SLC71A1: variants seen among roughly 807,000 people sequenced by gnomAD.
SLC71A1 encodes the protein solute carrier family 71 member 1, also known as hippocampus abundant gene transcript 1.
the SLC71A1 span, chr1:100,050,140 T>C: frequency 5.6e-6 from 3 of 532,562 alleles, no homozygotes; most frequent in Non-Finnish European, 6.6e-6. Context: ...AGTATTTTAC[T>C]GGTTGTCTTT....
At chr1:100,045,752 C>T in the SLC71A1 span, among the ~76,000 whole-genome samples, 4 of 151,460 alleles carry the variant, frequency 2.6e-5, no homozygotes, top group South Asian at 8.4e-4. Context: ...GCTCTGTCGC[C>T]CAGGCGACAT....
chr1:100,077,224 T>A, the SLC71A1 span: 1 of 1,596,762 alleles, frequency 6.3e-7, no homozygotes, highest in Non-Finnish European at 8.6e-7. Flanking sequence ...TTTTACTGGG[T>A]CTAGGATTTC....
At chr1:100,078,167 A>G in the SLC71A1 span, among the ~76,000 whole-genome samples, 2 of 152,214 alleles carry the variant, frequency 1.3e-5, no homozygotes, top group Non-Finnish European at 2.9e-5. Context: ...TCCTCAATAT[A>G]ACCTCTCAAT....
chr1:100,049,864 A>T, the SLC71A1 span: 1 of 910,626 alleles, frequency 1.1e-6, no homozygotes, highest in Non-Finnish European at 1.8e-6. Flanking sequence ...TATAGAATGT[A>T]CTGTTAACTT....
At chr1:100,068,554 C>T in the SLC71A1 span, 1 of 1,612,814 alleles carries the variant, frequency 6.2e-7, no homozygotes, top group Non-Finnish European at 8.5e-7. Context: ...GGAGGCAGGC[C>T]AATATTCCAG....
chr1:100,077,077 A>G, the SLC71A1 span: 9 of 651,084 alleles, frequency 1.4e-5, no homozygotes, highest in East Asian at 2.0e-4. Flanking sequence ...AAATTGTAGA[A>G]AAGTGCCAAT....
chr1:100,059,388 G>A, the SLC71A1 span, among the ~76,000 whole-genome samples: 1 of 151,494 alleles, frequency 6.6e-6, no homozygotes, highest in African/African-American at 2.4e-5. Context: ...TCGAACTCCT[G>A]ACCTAAGTGA....
chr1:100,082,395 C>A, the SLC71A1 span: 2 of 579,848 alleles, frequency 3.4e-6, no homozygotes, highest in South Asian at 2.3e-5. Flanking sequence ...AAAGATGTTA[C>A]AATTTCTTTT....
chr1:100,041,885 C>T, the SLC71A1 span, among the ~76,000 whole-genome samples: 1 of 151,054 alleles, frequency 6.6e-6, no homozygotes, highest in African/African-American at 2.4e-5. Context: ...GATCACGCCA[C>T]TGCATTCCAG....
the SLC71A1 span, among the ~76,000 whole-genome samples, chr1:100,060,279 T>C: frequency 1.3e-5 from 2 of 152,288 alleles, no homozygotes; most frequent in East Asian, 1.9e-4. Context: ...AAACAATATT[T>C]TGGGGACTGG....
the SLC71A1 span, chr1:100,082,295 C>A: frequency 3.0e-6 from 3 of 1,015,386 alleles, no homozygotes; most frequent in Non-Finnish European, 4.5e-6. Context: ...TTTCCATCCA[C>A]AGTGTACTTT....
At chr1:100,072,698 G>A in the SLC71A1 span, among the ~76,000 whole-genome samples, 1 of 152,016 alleles carries the variant, frequency 6.6e-6, no homozygotes, top group South Asian at 2.1e-4. Context: ...ACCGGGTGTG[G>A]GCCAACCTTC....
chr1:100,065,457 C>CCCTTT, the SLC71A1 span, among the ~76,000 whole-genome samples: 1 of 151,030 alleles, frequency 6.6e-6, no homozygotes, highest in East Asian at 2.0e-4. Flanking sequence ...CCTTCCCTTC[C>CCCTTT]CCTTTCCTTT....
the SLC71A1 span, among the ~76,000 whole-genome samples, chr1:100,052,471 C>A: frequency 7.5e-6 from 1 of 133,542 alleles, no homozygotes; most frequent in South Asian, 2.3e-4. Context: ...CTCTGTCTGT[C>A]CCCAGGCTGG....
At chr1:100,067,577 G>A in the SLC71A1 span, among the ~76,000 whole-genome samples, 1 of 152,184 alleles carries the variant, frequency 6.6e-6, no homozygotes, top group East Asian at 1.9e-4. Flanking sequence ...TCGGGAGGCT[G>A]AGGTGGGAGG....
the SLC71A1 span, among the ~76,000 whole-genome samples, chr1:100,065,657 T>G: frequency 2.7e-5 from 4 of 150,480 alleles, no homozygotes; most frequent in Admixed American, 6.6e-5. Context: ...TCTTTTTCTT[T>G]CCTTTTCCTT....
the SLC71A1 span, among the ~76,000 whole-genome samples, chr1:100,063,788 C>T: frequency 1.3e-5 from 2 of 152,254 alleles, no homozygotes; most frequent in East Asian, 3.9e-4. Flanking sequence ...AGAGCGAGAC[C>T]TGTCTCCAAA....
At chr1:100,049,596 A>G in the SLC71A1 span, among the ~76,000 whole-genome samples, 4 of 151,940 alleles carry the variant, frequency 2.6e-5, no homozygotes, top group Non-Finnish European at 4.4e-5. Context: ...TTTCCACCCT[A>G]TACCTCCGCC....
the SLC71A1 span, among the ~76,000 whole-genome samples, chr1:100,064,105 GTA>G: frequency 6.6e-6 from 1 of 152,128 alleles, no homozygotes; most frequent in Admixed American, 6.5e-5. Flanking sequence ...ATATTTATAT[GTA>G]TGTGTGTGTG....
Sources: allele counts gnomAD v4.1 joint callset (sites outside exome capture counted in the v4.1 genomes callset), GRCh38; gene constraint gnomAD v4.1.1; transcripts MANE v1.5; gene names NCBI Gene and HGNC (gene_info 2026-07-23, HGNC 2026-07-21).